ZFAND3: variants seen among roughly 807,000 people sequenced by gnomAD.
The protein encoded by ZFAND3 is AN1-type zinc finger protein 3.
ZFAND3 carries 10 observed loss-of-function variants against 29.6 expected under a neutral mutation model. That is an observed-to-expected ratio of 0.34 (90% CI 0.21 to 0.57). The LOEUF (loss-of-function observed/expected upper bound fraction) is 0.57, where lower values mean the gene tolerates loss of function less well. Ranked by LOEUF, ZFAND3 falls within the 20% of genes least tolerant of loss-of-function variation. The probability of loss-of-function intolerance (pLI) is 0.86; values close to 1 mark genes in which losing one functional copy is unlikely to be tolerated. For missense variants in ZFAND3, 230 were observed against 304.5 expected, an observed-to-expected ratio of 0.76 and a Z score of 1.82; for synonymous variants, 128 against 112.6, an observed-to-expected ratio of 1.14 and a Z score of -0.87.
rs549022280 is a variant in ZFAND3 at position 38,019,124 on chromosome 6, T to C, written c.113-42469T>C. Among the ~76,000 whole-genome samples the C allele has an allele frequency of 3.7e-4, 57 of 152,262 alleles. 1 individual carries two copies. Among genetic ancestry groups the C allele is most frequent in the African/African-American group, 1.3e-3 (55 of 41,566 alleles). ...ACAGGCATCTGCCACTACGCCCAGC[T>C]GATGTTTGTATTTTTAGTAGATACA... is the stretch of plus-strand genomic sequence containing the variant. On this transcript the variant is annotated intron_variant, in intron 2 of 5. Transcript: ENST00000287218.
chr6:37,858,587 C>T (rs1379841887), intron 1 of ZFAND3, among the ~76,000 whole-genome samples: 1 of 152,040 alleles, frequency 6.6e-6, no homozygotes, highest in African/African-American at 2.4e-5. Context: ...AGACTGTTTC[C>T]ACCTATATGA....
chr6:38,061,624 C>T lies in ZFAND3; in HGVS notation c.144C>T (p.Ser48=), dbSNP rs567905352. The change falls in exon 3 of 6, where the codon TCC becomes TCT. Residue 48 remains serine (S), a synonymous_variant. Transcript: ENST00000287218. ...AAAAGAAACAGCCAGACGATGATTC[C>T]GCTCCAAGTACAAGTAACAGCCAAT... The part of the protein sequence containing the change: ...DFQKKQPDDD[S]APSTSNSQSD... 2.8e-5 allele frequency: 45 copies of T among 1,614,170 alleles called. No homozygotes were observed. The highest frequency in any genetic ancestry group is 1.2e-4 in the South Asian group (11 of 91,082).
At chr6:38,150,117 A>T (rs905682927) in intron 5 of ZFAND3, among the ~76,000 whole-genome samples, 5 of 152,268 alleles carry the variant, frequency 3.3e-5, no homozygotes, top group Non-Finnish European at 5.9e-5. Flanking sequence ...GAGGCCATCC[A>T]TGCCTCTGCT....
intron 4 of ZFAND3, among the ~76,000 whole-genome samples, chr6:38,104,856 C>T (rs748391214): frequency 6.6e-6 from 1 of 152,128 alleles, no homozygotes; most frequent in Non-Finnish European, 1.5e-5. Flanking sequence ...TCTTTGTATA[C>T]GCAGAAAGTA....
At chr6:37,970,495 G>A (rs73421439) in intron 2 of ZFAND3, among the ~76,000 whole-genome samples, 12,958 of 152,176 alleles carry the variant, frequency 0.085, 747 homozygotes, top group East Asian at 0.29. Context: ...AGAATTACCT[G>A]GTGTCCTAGC....
chr6:38,089,609 G>T (rs1381552203), intron 4 of ZFAND3, among the ~76,000 whole-genome samples: 1 of 152,214 alleles, frequency 6.6e-6, no homozygotes, highest in Admixed American at 6.5e-5. Context: ...AAGTTTATAT[G>T]AGATTTTTAG....
At chr6:37,899,300 A>G (rs1019337178) in intron 1 of ZFAND3, among the ~76,000 whole-genome samples, 1 of 152,214 alleles carries the variant, frequency 6.6e-6, no homozygotes, top group South Asian at 2.1e-4. Context: ...TCCACTTGCT[A>G]GAATCTCTAC....
chr6:37,985,472 T>C (rs1183463717), intron 2 of ZFAND3, among the ~76,000 whole-genome samples: 6 of 149,060 alleles, frequency 4.0e-5, no homozygotes, highest in Admixed American at 2.0e-4. Flanking sequence ...CACACACACA[T>C]GCGCCTGGTG....
intron 1 of ZFAND3, among the ~76,000 whole-genome samples, chr6:37,867,243 T>A (rs1764605765): frequency 6.6e-6 from 1 of 152,224 alleles, no homozygotes; most frequent in Non-Finnish European, 1.5e-5. Context: ...CTAACCTCAT[T>A]GTGGAACTTG....
At chr6:37,837,729 C>T (rs1254329205) in intron 1 of ZFAND3, among the ~76,000 whole-genome samples, 1 of 152,122 alleles carries the variant, frequency 6.6e-6, no homozygotes, top group East Asian at 1.9e-4. Flanking sequence ...TGGTCTCGAA[C>T]TCCCGACCTC....
At chr6:37,983,757 A>G (rs1762619984) in intron 2 of ZFAND3, among the ~76,000 whole-genome samples, 1 of 152,122 alleles carries the variant, frequency 6.6e-6, no homozygotes, top group African/African-American at 2.4e-5. Context: ...AATTGCCCAC[A>G]GTATTCAGTA....
At chr6:37,930,214 C>T (rs539519642) in intron 2 of ZFAND3, among the ~76,000 whole-genome samples, 1 of 152,254 alleles carries the variant, frequency 6.6e-6, no homozygotes, top group South Asian at 2.1e-4. Context: ...AATCCTATCT[C>T]CTATGTACTT....
At chr6:38,021,377 T>C (rs534210022) in intron 2 of ZFAND3, among the ~76,000 whole-genome samples, 1 of 152,354 alleles carries the variant, frequency 6.6e-6, no homozygotes, top group Admixed American at 6.5e-5. Context: ...ATGCTATTCA[T>C]AGCTACATGT....
At chr6:37,913,535 C>CA (rs1765559936) in intron 1 of ZFAND3, among the ~76,000 whole-genome samples, 1 of 152,114 alleles carries the variant, frequency 6.6e-6, no homozygotes, top group Non-Finnish European at 1.5e-5. Context: ...TGGAACCCCT[C>CA]AAAGCCATCC....
intron 2 of ZFAND3, among the ~76,000 whole-genome samples, chr6:38,029,892 CAAA>C (rs1763518876): frequency 6.6e-6 from 1 of 151,766 alleles, no homozygotes; most frequent in African/African-American, 2.4e-5. Context: ...CTGATTAGAG[CAAA>C]TACAAATAAG....
At chr6:37,991,621 G>A (rs960201814) in intron 2 of ZFAND3, among the ~76,000 whole-genome samples, 8 of 152,170 alleles carry the variant, frequency 5.3e-5, no homozygotes, top group African/African-American at 1.9e-4. Context: ...CCAAAGTGCT[G>A]GGGTTGTTGC....
At chr6:38,013,907 G>A (rs1177859920) in intron 2 of ZFAND3, among the ~76,000 whole-genome samples, 1 of 152,134 alleles carries the variant, frequency 6.6e-6, no homozygotes, top group Non-Finnish European at 1.5e-5. Flanking sequence ...GGGTACTAAA[G>A]TTAAACTCCT....
intron 2 of ZFAND3, among the ~76,000 whole-genome samples, chr6:37,982,145 TTCTG>T (rs1252677403): frequency 6.6e-6 from 1 of 151,794 alleles, no homozygotes; most frequent in Non-Finnish European, 1.5e-5. Context: ...GAGTTCTGTC[TTCTG>T]TCTGTCCTTT....
intron 4 of ZFAND3, among the ~76,000 whole-genome samples, chr6:38,097,033 T>G (rs1350542786): frequency 6.6e-6 from 1 of 152,106 alleles, no homozygotes; most frequent in Non-Finnish European, 1.5e-5. Flanking sequence ...AAAGCTTGGT[T>G]TTCTGTTGAC....
Sources: allele counts gnomAD v4.1 joint callset (sites outside exome capture counted in the v4.1 genomes callset), GRCh38; gene constraint gnomAD v4.1.1; transcripts MANE v1.5; gene names NCBI Gene and HGNC (gene_info 2026-07-23, HGNC 2026-07-21).